Variants in SCMH1 observed in about 807,000 individuals in gnomAD.
SCMH1 encodes Scm polycomb group protein homolog 1.
In SCMH1, 37 loss-of-function variants were observed where a neutral mutation model predicts 70.8. That is an observed-to-expected ratio of 0.52 (90% CI 0.40 to 0.69). The LOEUF is 0.69. Ranked by LOEUF, SCMH1 falls within the 30% of genes least tolerant of loss-of-function variation. The pLI, the probability that SCMH1 is intolerant of heterozygous loss-of-function variation, is 0.00. For synonymous variants in SCMH1, 292 were observed against 307.4 expected, an observed-to-expected ratio of 0.95 and a Z score of 0.52; for missense variants, 607 against 827.3, an observed-to-expected ratio of 0.73 and a Z score of 3.27.
intron 8 of SCMH1, among the ~76,000 whole-genome samples, chr1:41,103,062 G>A (rs1667015292): frequency 6.6e-6 from 1 of 151,218 alleles, no homozygotes; most frequent in Non-Finnish European, 1.5e-5. Flanking sequence ...AGTCATTATT[G>A]AGATTCAGAA....
intron 1 of SCMH1, among the ~76,000 whole-genome samples, chr1:41,223,742 C>A (rs1659729835): frequency 1.3e-5 from 2 of 152,072 alleles, no homozygotes; most frequent in Non-Finnish European, 2.9e-5. Context: ...GGGATTAATT[C>A]CTGCCTTGCC....
At chr1:41,054,226 G>A (rs1387617278) in intron 10 of SCMH1, among the ~76,000 whole-genome samples, 1 of 152,162 alleles carries the variant, frequency 6.6e-6, no homozygotes, top group Non-Finnish European at 1.5e-5. Flanking sequence ...AAGGGGAAGT[G>A]TTGAAAGTTT....
At chr1:41,205,098 G>A (rs1208968770) in intron 1 of SCMH1, among the ~76,000 whole-genome samples, 3 of 152,192 alleles carry the variant, frequency 2.0e-5, no homozygotes, top group Non-Finnish European at 4.4e-5. Context: ...AATAGGAACA[G>A]CTCCAGTCTG....
At chr1:41,070,461 A>T in intron 10 of SCMH1, 134 bp downstream of exon 10, 1 of 1,204,134 alleles carries the variant, frequency 8.3e-7, no homozygotes, top group Non-Finnish European at 1.1e-6. Context: ...TTCAAATGCC[A>T]AAGATAAAAT....
At chr1:41,068,826 C>T (rs1655539214) in intron 10 of SCMH1, among the ~76,000 whole-genome samples, 2 of 151,956 alleles carry the variant, frequency 1.3e-5, no homozygotes, top group Non-Finnish European at 2.9e-5. Flanking sequence ...AGATTTCATA[C>T]AAAACTAAAT....
chr1:41,142,906 C>T (rs1460924178), exon 6 of SCMH1: 12 of 1,614,170 alleles, frequency 7.4e-6, no homozygotes, highest in Non-Finnish European at 1.0e-5. Context: ...TACCCCCATT[C>T]TTTTCACAGT....
intron 2 of SCMH1, among the ~76,000 whole-genome samples, chr1:41,168,926 T>C (rs919653636): frequency 4.6e-5 from 7 of 152,266 alleles, no homozygotes; most frequent in Middle Eastern, 3.4e-3. Flanking sequence ...TAGCTGGAGA[T>C]GTTGAGGTGC....
chr1:41,186,111 A>C lies in SCMH1; in HGVS notation c.13+10T>G. 1 of 1,546,940 alleles carries C rather than the reference A, an allele frequency of 6.5e-7. No homozygotes were observed. Among genetic ancestry groups the C allele is most frequent in the Non-Finnish European group, 8.7e-7 (1 of 1,144,040 alleles). ...CTCTTACCTCCACGATAGGGTAAAAAGATACTTACCATTAGGCTGCATAGT... is the reference window on the plus strand; with the variant it reads ...CTCTTACCTCCACGATAGGGTAAAACGATACTTACCATTAGGCTGCATAGT... On this transcript the variant is annotated intron_variant, in intron 2 of 14. Transcript: ENST00000337495.
At chr1:41,067,478 AAAAG>A (rs1655053029) in intron 10 of SCMH1, among the ~76,000 whole-genome samples, 1 of 150,814 alleles carries the variant, frequency 6.6e-6, no homozygotes, top group Non-Finnish European at 1.5e-5. Context: ...AAAAAAAAAA[AAAAG>A]AGCTATCAAG....
intron 10 of SCMH1, among the ~76,000 whole-genome samples, chr1:41,063,874 G>A (rs1445794876): frequency 5.3e-5 from 8 of 152,168 alleles, no homozygotes; most frequent in Admixed American, 4.6e-4. Context: ...AGGTTCATTC[G>A]TGAATTCTAC....
intron 8 of SCMH1, chr1:41,098,895 G>A (rs1481445611): frequency 8.8e-5 from 18 of 204,356 alleles, no homozygotes; most frequent in Non-Finnish European, 5.9e-5. Context: ...AAGCGTGACC[G>A]CTATGCCATT....
chr1:41,154,740 A>G (rs964814833), intron 4 of SCMH1, among the ~76,000 whole-genome samples: 4 of 152,260 alleles, frequency 2.6e-5, no homozygotes, highest in Non-Finnish European at 5.9e-5. Flanking sequence ...ATTAACTAAC[A>G]TAGGTATAAT....
At chr1:41,073,369 G>A (rs1657174412) in intron 9 of SCMH1, among the ~76,000 whole-genome samples, 1 of 152,128 alleles carries the variant, frequency 6.6e-6, no homozygotes, top group South Asian at 2.1e-4. Context: ...TCTTCTGACT[G>A]TCCTCAAGAT....
At chr1:41,209,811 A>C (rs905544100) in intron 1 of SCMH1, among the ~76,000 whole-genome samples, 2 of 151,426 alleles carry the variant, frequency 1.3e-5, no homozygotes, top group Non-Finnish European at 3.0e-5. Context: ...TGGCACAAGC[A>C]TGCCCTCTCT....
At chr1:41,105,877 GTT>G (rs200132114) in intron 8 of SCMH1, among the ~76,000 whole-genome samples, 6 of 142,748 alleles carry the variant, frequency 4.2e-5, no homozygotes, top group African/African-American at 5.1e-5. Flanking sequence ...CCATTTGATA[GTT>G]TTTTTTTTTT....
exon 14 of SCMH1, chr1:41,028,629 T>C: frequency 6.2e-7 from 1 of 1,614,140 alleles, no homozygotes; most frequent in East Asian, 2.2e-5. Flanking sequence ...GAGGATCAGC[T>C]TCCCGGACAA....
intron 1 of SCMH1, among the ~76,000 whole-genome samples, chr1:41,207,020 T>C (rs905589682): frequency 6.6e-6 from 1 of 152,190 alleles, no homozygotes; most frequent in Non-Finnish European, 1.5e-5. Context: ...AGGCCTGCCT[T>C]ACAAGAGTTC....
At chr1:41,180,119 G>A (rs1436161193) in intron 2 of SCMH1, among the ~76,000 whole-genome samples, 8 of 152,184 alleles carry the variant, frequency 5.3e-5, no homozygotes, top group Admixed American at 1.3e-4. Context: ...AAAACCATAT[G>A]ATTATCTCAA....
At chr1:41,145,986 T>C (rs770667017) in intron 5 of SCMH1, among the ~76,000 whole-genome samples, 1 of 152,202 alleles carries the variant, frequency 6.6e-6, no homozygotes, top group Non-Finnish European at 1.5e-5. Flanking sequence ...GTATTCTTTA[T>C]ACGAAAATAA....
Sources: gnomAD v4.1 joint callset for allele counts (sites outside exome capture counted in the v4.1 genomes callset) on GRCh38, gnomAD v4.1.1 for gene constraint, MANE v1.5 for transcripts, NCBI Gene and HGNC (gene_info 2026-07-23, HGNC 2026-07-21) for gene names.